The following PPARGC1A variants were observed in gnomAD, a reference collection of about 807,000 sequenced individuals.
PPARGC1A encodes the protein peroxisome proliferator-activated receptor gamma coactivator 1-alpha.
PPARGC1A carries 25 observed loss-of-function variants against 88.7 expected under a neutral mutation model. The observed-to-expected ratio is 0.28, with a 90% CI of 0.21 to 0.39. The LOEUF (loss-of-function observed/expected upper bound fraction) is 0.39. PPARGC1A is among the 10% of genes least tolerant of loss of function. The pLI is 1.00. For synonymous variants in PPARGC1A, 363 were observed against 355.6 expected (o/e 1.02, Z -0.24); for missense variants, 880 against 968.7 (o/e 0.91, Z 1.22).
Position 23,793,043 on chromosome 4 carries a change from CA to C in PPARGC1A, c.*2778del, listed in dbSNP as rs1220559103. The C allele has an allele frequency of 1.3e-5, 2 of 152,134 alleles. No individual in the cohort carries two copies. Among genetic ancestry groups the C allele is most frequent in the African/African-American group, 4.8e-5 (2 of 41,320 alleles). The allele number at this position is 152,134 out of a possible 1,614,324, so 9.4% of individuals were successfully genotyped here. On this transcript the variant is annotated 3_prime_UTR_variant, in exon 13 of 13. Transcript: ENST00000264867. ...TTCCACTCATGTCAACAATCCAGGG[CA>C]AAAAGGAGAATGTATTTAAAATTGG...
chr4:24,141,615 C>G, the PPARGC1A span, among the ~76,000 whole-genome samples: 3 of 152,204 alleles, frequency 2.0e-5, no homozygotes, highest in Admixed American at 6.5e-5. Flanking sequence ...TCCAATGCCA[C>G]AGCTATCTCA....
chr4:23,829,617 A>G (rs1191971403), intron 3 of PPARGC1A, 32 bp from the exon 4 acceptor site: 6 of 1,599,196 alleles, frequency 3.8e-6, no homozygotes, highest in East Asian at 4.5e-5. Flanking sequence ...GGGAAAAGCA[A>G]GTAAAGTTAT....
chr4:23,940,106 T>C, the PPARGC1A span, among the ~76,000 whole-genome samples: 1 of 152,224 alleles, frequency 6.6e-6, no homozygotes. Flanking sequence ...TAATCAATGA[T>C]TTATCAGAAC....
At chr4:23,998,460 C>A in the PPARGC1A span, among the ~76,000 whole-genome samples, 2 of 151,832 alleles carry the variant, frequency 1.3e-5, no homozygotes, top group African/African-American at 4.8e-5. Context: ...CATGTTTCTA[C>A]AATTTCTTGT....
the PPARGC1A span, among the ~76,000 whole-genome samples, chr4:23,922,829 C>T: frequency 2.6e-5 from 4 of 152,304 alleles, no homozygotes; most frequent in East Asian, 3.9e-4. Context: ...GGCTTCCACA[C>T]GCAATTTACT....
intron 2 of PPARGC1A, among the ~76,000 whole-genome samples, chr4:23,845,317 C>G (rs57256690): frequency 7.9e-5 from 12 of 151,994 alleles, no homozygotes; most frequent in Non-Finnish European, 1.6e-4. Flanking sequence ...AGTGCTTAGA[C>G]GGCACCATCA....
chr4:24,003,991 T>G, the PPARGC1A span, among the ~76,000 whole-genome samples: 1 of 152,308 alleles, frequency 6.6e-6, no homozygotes, highest in South Asian at 2.1e-4. Context: ...AAAATAATCA[T>G]GCATTGAAGT....
intron 2 of PPARGC1A, among the ~76,000 whole-genome samples, chr4:23,839,340 C>T (rs771842483): frequency 1.3e-4 from 19 of 151,934 alleles, no homozygotes; most frequent in Non-Finnish European, 1.8e-4. Flanking sequence ...GAAAAAGGTT[C>T]GGGGAGGTTG....
At chr4:24,328,602 C>T in the PPARGC1A span, among the ~76,000 whole-genome samples, 2 of 152,236 alleles carry the variant, frequency 1.3e-5, no homozygotes, top group African/African-American at 2.4e-5. Flanking sequence ...ACCTAACTAA[C>T]ATCATCTCCC....
At chr4:24,398,604 A>G in the PPARGC1A span, among the ~76,000 whole-genome samples, 2 of 152,218 alleles carry the variant, frequency 1.3e-5, no homozygotes, top group African/African-American at 4.8e-5. Context: ...ACTCCAATAC[A>G]TGAAGTACTT....
At chr4:23,823,728 C>T (rs1723418986) in intron 7 of PPARGC1A, among the ~76,000 whole-genome samples, 1 of 152,034 alleles carries the variant, frequency 6.6e-6, no homozygotes, top group African/African-American at 2.4e-5. Flanking sequence ...CACACACATA[C>T]ACTATATATC....
the PPARGC1A span, among the ~76,000 whole-genome samples, chr4:23,928,767 A>AAC: frequency 7.3e-5 from 1 of 13,718 alleles, no homozygotes; most frequent in Non-Finnish European, 2.3e-4. Flanking sequence ...AAAACAAAAA[A>AAC]AACAAAAAAA....
At chr4:24,430,593 CA>C in the PPARGC1A span, among the ~76,000 whole-genome samples, 1 of 151,976 alleles carries the variant, frequency 6.6e-6, no homozygotes, top group South Asian at 2.1e-4. Context: ...TCATGAGCAA[CA>C]AATCAGTTGT....
chr4:23,796,754 G>A (rs528270791), intron 12 of PPARGC1A, among the ~76,000 whole-genome samples: 2 of 152,020 alleles, frequency 1.3e-5, no homozygotes, highest in South Asian at 4.1e-4. Flanking sequence ...ACAAAGGGGG[G>A]CTTGGAAATA....
At chr4:24,314,430 A>C in the PPARGC1A span, among the ~76,000 whole-genome samples, 3 of 152,140 alleles carry the variant, frequency 2.0e-5, no homozygotes, top group Non-Finnish European at 4.4e-5. Flanking sequence ...CCTTTCTGTC[A>C]TGGGAGGACA....
At chr4:24,279,952 T>C in the PPARGC1A span, among the ~76,000 whole-genome samples, 1 of 152,048 alleles carries the variant, frequency 6.6e-6, no homozygotes, top group Non-Finnish European at 1.5e-5. Context: ...GGCCTTTCCC[T>C]CTGAGAGCTA....
At chr4:24,285,369 C>T in the PPARGC1A span, among the ~76,000 whole-genome samples, 1 of 152,130 alleles carries the variant, frequency 6.6e-6, no homozygotes, top group East Asian at 1.9e-4. Flanking sequence ...TGGTGAGATA[C>T]ACAAGCACAT....
chr4:24,446,067 A>AAAAAAT, the PPARGC1A span, among the ~76,000 whole-genome samples: 1 of 152,186 alleles, frequency 6.6e-6, no homozygotes, highest in Non-Finnish European at 1.5e-5. Context: ...CTCTGTCTCA[A>AAAAAAT]AAAAATAAAA....
chr4:24,199,751 C>T, the PPARGC1A span, among the ~76,000 whole-genome samples: 14 of 152,214 alleles, frequency 9.2e-5, no homozygotes, highest in Non-Finnish European at 1.6e-4. Context: ...GGTCATTCCC[C>T]TGCACTGCTG....
Sources: gnomAD v4.1 joint callset for allele counts (sites outside exome capture counted in the v4.1 genomes callset) on GRCh38, gnomAD v4.1.1 for gene constraint, MANE v1.5 for transcripts, NCBI Gene and HGNC (gene_info 2026-07-23, HGNC 2026-07-21) for gene names.